GRIP1: variants seen among roughly 807,000 people sequenced by gnomAD.
The protein encoded by GRIP1 is glutamate receptor interacting protein 1.
In GRIP1, 45 loss-of-function variants were observed where a neutral mutation model predicts 129.9. The ratio of observed to expected loss-of-function variants is 0.35; its 90% CI spans 0.27 to 0.44. GRIP1 has a LOEUF of 0.44. Ranked by LOEUF, GRIP1 falls within the 20% of genes least tolerant of loss-of-function variation. GRIP1 has a pLI of 1.00. For synonymous variants in GRIP1, 530 were observed against 520.8 expected, an observed-to-expected ratio of 1.02 and a Z score of -0.24; for missense variants, 1,196 against 1,396.8, an observed-to-expected ratio of 0.86 and a Z score of 2.29.
intron 1 of GRIP1, among the ~76,000 whole-genome samples, chr12:66,859,562 T>G (rs1295650860): frequency 1.3e-5 from 2 of 152,050 alleles, no homozygotes; most frequent in Non-Finnish European, 2.9e-5. Flanking sequence ...CCTCCTAATC[T>G]ACAGGAACAA....
At chr12:66,408,172 T>C (rs1318223891) in intron 15 of GRIP1, among the ~76,000 whole-genome samples, 2 of 152,110 alleles carry the variant, frequency 1.3e-5, no homozygotes, top group African/African-American at 4.8e-5. Flanking sequence ...TAAATATCCC[T>C]CGGGCCCTGA....
chr12:66,634,527 C>T (rs753385335), intron 1 of GRIP1, among the ~76,000 whole-genome samples: 15 of 152,138 alleles, frequency 9.9e-5, no homozygotes, highest in South Asian at 2.1e-4. Context: ...AAAAATTACT[C>T]TTCCTGAGAC....
intron 7 of GRIP1, among the ~76,000 whole-genome samples, chr12:66,507,080 G>A (rs1038497748): frequency 1.3e-5 from 2 of 152,136 alleles, no homozygotes; most frequent in East Asian, 3.8e-4. Context: ...TGTGTGTCGT[G>A]TTATAAATAC....
rs533131336 is a variant in GRIP1, at chr12:66,730,612, T to C, written c.-420+73441A>G. Among the ~76,000 whole-genome samples, 9 of 149,730 alleles carry C rather than the reference T, an allele frequency of 6.0e-5. No individual in the cohort carries two copies. The South Asian group carries it at 1.9e-3, about 31-fold the overall frequency. Reference sequence around the variant, plus strand: ...TAAGTTACCCACAGAAGATATAAATTGTTAACCTAAAATATACTTGCTCTT... The same window carrying C: ...TAAGTTACCCACAGAAGATATAAATCGTTAACCTAAAATATACTTGCTCTT... On this transcript the variant is annotated intron_variant, in intron 1 of 4. Coordinates refer to the GRIP1 transcript ENST00000538373.
intron 1 of GRIP1, among the ~76,000 whole-genome samples, chr12:67,052,120 C>T (rs2043356121): frequency 6.6e-6 from 1 of 152,174 alleles, no homozygotes; most frequent in African/African-American, 2.4e-5. Flanking sequence ...AAGTCTGACA[C>T]AGATTAGCCT....
intron 16 of GRIP1, among the ~76,000 whole-genome samples, chr12:66,404,523 T>C (rs12825898): frequency 0.094 from 14,322 of 152,252 alleles, 894 homozygotes; most frequent in Middle Eastern, 0.14. Context: ...TTTCTTTATG[T>C]TGCCCCTCTG....
chr12:66,457,195 TATA>T (rs1199248034), intron 9 of GRIP1, among the ~76,000 whole-genome samples: 3 of 152,314 alleles, frequency 2.0e-5, no homozygotes, highest in African/African-American at 7.2e-5. Context: ...ATATGAGCAA[TATA>T]ATGTTTGTTA....
At chr12:66,654,766 C>G (rs1011296689) in intron 1 of GRIP1, among the ~76,000 whole-genome samples, 6 of 151,818 alleles carry the variant, frequency 4.0e-5, no homozygotes. Context: ...CCATTATGTA[C>G]AATAAAGATG....
intron 1 of GRIP1, among the ~76,000 whole-genome samples, chr12:66,597,509 A>G (rs2064100182): frequency 6.6e-6 from 1 of 152,234 alleles, no homozygotes; most frequent in Admixed American, 6.5e-5. Context: ...AGGGAAGACC[A>G]GAGGAGCTAG....
chr12:66,374,329 A>G (rs972807584), intron 22 of GRIP1, among the ~76,000 whole-genome samples: 1 of 152,118 alleles, frequency 6.6e-6, no homozygotes, highest in African/African-American at 2.4e-5. Context: ...CTGGGATGAC[A>G]GGTACCCGTC....
upstream of GRIP1, among the ~76,000 whole-genome samples, chr12:66,682,979 A>G (rs1211569857): frequency 6.6e-6 from 1 of 152,118 alleles, no homozygotes; most frequent in Non-Finnish European, 1.5e-5. Flanking sequence ...AATGCTTAAC[A>G]TGCTTAGCTC....
chr12:66,511,121 T>C (rs1331713246), intron 7 of GRIP1, among the ~76,000 whole-genome samples: 3 of 152,114 alleles, frequency 2.0e-5, no homozygotes, highest in Admixed American at 2.0e-4. Context: ...GTCTTTCCCA[T>C]GCTATTCTCG....
chr12:66,582,701 G>C (rs1281320267), intron 2 of GRIP1, among the ~76,000 whole-genome samples: 1 of 144,224 alleles, frequency 6.9e-6, no homozygotes, highest in Non-Finnish European at 1.5e-5. Flanking sequence ...ACTTACAAGG[G>C]ACATGAAGGA....
At position 66,928,823 on chromosome 12, in the gene GRIP1, T is replaced by G. The variant is rs143783843; in HGVS notation, c.58+140227A>C. 2.2e-3 allele frequency among the ~76,000 whole-genome samples: 334 copies of G among 152,290 alleles called. 1 individual carries two copies. Among genetic ancestry groups the G allele is most frequent in the African/African-American group, 7.7e-3 (322 of 41,556 alleles). On this transcript the variant is annotated intron_variant, in intron 1 of 1. Transcript: ENST00000643019. ...CATATACATTTTCCCAAACCCTTAGTGAAATTAATAATCCAGGAAGCTGCA... is the reference window on the plus strand; with the variant it reads ...CATATACATTTTCCCAAACCCTTAGGGAAATTAATAATCCAGGAAGCTGCA...
chr12:66,906,989 T>A (rs983399309), intron 1 of GRIP1, among the ~76,000 whole-genome samples: 17 of 152,166 alleles, frequency 1.1e-4, no homozygotes, highest in Non-Finnish European at 2.5e-4. Context: ...ACAATACTAT[T>A]AACTAAACTA....
chr12:67,021,995 A>C (rs1397354842), intron 1 of GRIP1, among the ~76,000 whole-genome samples: 1 of 152,136 alleles, frequency 6.6e-6, no homozygotes, highest in Non-Finnish European at 1.5e-5. Flanking sequence ...TATTCGTTTT[A>C]TGGCTCAATA....
intron 1 of GRIP1, among the ~76,000 whole-genome samples, chr12:66,639,814 T>C (rs2031760745): frequency 6.6e-6 from 1 of 152,202 alleles, no homozygotes; most frequent in Non-Finnish European, 1.5e-5. Flanking sequence ...CAAAAACTAT[T>C]CTTTCATGAC....
At chr12:66,400,010 T>A (rs990443327) in intron 16 of GRIP1, among the ~76,000 whole-genome samples, 2 of 151,950 alleles carry the variant, frequency 1.3e-5, no homozygotes, top group Non-Finnish European at 2.9e-5. Flanking sequence ...TGTTTCAGAG[T>A]AGAATTCAAA....
chr12:66,896,489 A>AAAAC (rs779483048), intron 1 of GRIP1, among the ~76,000 whole-genome samples: 1 of 149,594 alleles, frequency 6.7e-6, no homozygotes, highest in Admixed American at 6.7e-5. Context: ...TGAAAAAAAA[A>AAAAC]AAAAAAACTT....
Sources: gnomAD v4.1 joint callset for allele counts (sites outside exome capture counted in the v4.1 genomes callset) on GRCh38, gnomAD v4.1.1 for gene constraint, MANE v1.5 for transcripts, NCBI Gene and HGNC (gene_info 2026-07-23, HGNC 2026-07-21) for gene names.